BCL10: variants seen among roughly 807,000 people sequenced by gnomAD.
BCL10 encodes BCL10 immune signaling adaptor, also known as B-cell lymphoma/leukemia 10.
Under a neutral mutation model 19.2 loss-of-function variants are expected in BCL10, and 5 were observed. The observed-to-expected ratio is 0.26, with a 90% CI of 0.14 to 0.55. The LOEUF (loss-of-function observed/expected upper bound fraction) is 0.55, where lower values mean the gene tolerates loss of function less well. Ranked by LOEUF, BCL10 falls within the 20% of genes least tolerant of loss-of-function variation. The pLI is 0.94. For synonymous variants in BCL10, 110 were observed against 98.8 expected, an observed-to-expected ratio of 1.11 and a Z score of -0.67; for missense variants, 201 against 271.9, an observed-to-expected ratio of 0.74 and a Z score of 1.83.
At chr1:85,274,919 T>G (rs777488779) in intron 1 of BCL10, among the ~76,000 whole-genome samples, 4 of 152,220 alleles carry the variant, frequency 2.6e-5, no homozygotes, top group Non-Finnish European at 4.4e-5. Flanking sequence ...ATAACATCAA[T>G]GAATTGACAG....
chr1:85,272,870 TA>T (rs1660405077), intron 1 of BCL10, among the ~76,000 whole-genome samples: 1 of 152,194 alleles, frequency 6.6e-6, no homozygotes, highest in Non-Finnish European at 1.5e-5. Flanking sequence ...TACTCAATAA[TA>T]ACTAATTATG....
In BCL10 at chr1:85,265,869, T is replaced by A. The variant is rs945985042; in HGVS notation, c.*1758A>T. Among the ~76,000 whole-genome samples, 3 of 152,216 alleles carry A rather than the reference T, an allele frequency of 2.0e-5. No individual in the cohort carries two copies. Among genetic ancestry groups the A allele is most frequent in the African/African-American group, 7.2e-5 (3 of 41,468 alleles). ...ACTTATCTATATATAGGTGTTATTGTATATCTAAATTATAATCTTTGATTC... is the reference window on the plus strand; with the variant it reads ...ACTTATCTATATATAGGTGTTATTGAATATCTAAATTATAATCTTTGATTC... On this transcript the variant is annotated 3_prime_UTR_variant, in exon 3 of 3. Coordinates refer to ENST00000648566, the MANE Select transcript of BCL10 (RefSeq NM_003921.5).
intron 1 of BCL10, 131 bp from the exon 2 acceptor site, chr1:85,271,037 G>T: frequency 1.2e-6 from 1 of 852,818 alleles, no homozygotes; most frequent in Non-Finnish European, 1.8e-6. Context: ...CTTCTAAAAT[G>T]CATGCTAATT....
chr1:85,269,961 A>G (rs909343090), intron 2 of BCL10, among the ~76,000 whole-genome samples: 1 of 152,274 alleles, frequency 6.6e-6, no homozygotes, highest in South Asian at 2.1e-4. Context: ...ACTGGTGATC[A>G]TAAGAAAAAC....
At chr1:85,276,231 C>A in intron 1 of BCL10, 65 bp downstream of exon 1, 1 of 1,580,574 alleles carries the variant, frequency 6.3e-7, no homozygotes, top group South Asian at 1.1e-5. Flanking sequence ...TCCAGGCTTC[C>A]GCTTTCGTCT....
intron 1 of BCL10, 82 bp downstream of exon 1, chr1:85,276,214 C>T: frequency 1.3e-6 from 2 of 1,540,670 alleles, no homozygotes; most frequent in Admixed American, 3.3e-5. Context: ...CCTCCTTGTC[C>T]TCGGACTCCA....
chr1:85,272,075 G>A (rs58278399), intron 1 of BCL10, among the ~76,000 whole-genome samples: 2 of 152,098 alleles, frequency 1.3e-5, no homozygotes, highest in African/African-American at 4.8e-5. Context: ...GTCAAATACA[G>A]GAAAAGCACA....
intron 1 of BCL10, 130 bp from the exon 2 acceptor site, chr1:85,271,036 T>C: frequency 1.2e-6 from 1 of 855,638 alleles, no homozygotes; most frequent in Non-Finnish European, 1.8e-6. Context: ...CCTTCTAAAA[T>C]GCATGCTAAT....
Position 85,267,303 on chromosome 1 carries a change from T to C in BCL10, c.*324A>G, listed in dbSNP as rs1341716924. On this transcript the variant is annotated 3_prime_UTR_variant, in exon 3 of 3. Transcript: ENST00000648566. Reference sequence around the variant, plus strand: ...CACAAATGCACTGAGGAAAAAACGTTCTTCCTAGTAAGGGTCTATTCTCAA... The same window carrying C: ...CACAAATGCACTGAGGAAAAAACGTCCTTCCTAGTAAGGGTCTATTCTCAA... The C allele has an allele frequency of 1.2e-5, 3 of 251,892 alleles. No individual in the cohort carries two copies. The East Asian group carries it at 1.9e-4, about 16-fold the overall frequency. 15.6% of individuals were successfully genotyped at this position (251,892 alleles called of 1,614,324 possible). A position where few individuals can be genotyped will look rare whatever the true frequency, so the allele number is the denominator to read the frequency against.
At position 85,267,418 on chromosome 1, in the gene BCL10, A is replaced by T; in HGVS notation, c.*209T>A. 1 of 458,512 alleles carries T rather than the reference A, an allele frequency of 2.2e-6. No homozygotes were observed. The highest frequency in any genetic ancestry group is 3.8e-6 in the Non-Finnish European group (1 of 264,100). The allele number at this position is 458,512 out of a possible 1,614,324, so 28.4% of individuals were successfully genotyped here. A position where few individuals can be genotyped will look rare whatever the true frequency, so the allele number is the denominator to read the frequency against. The stretch of plus-strand genomic sequence containing the variant: ...ACCTTAAAAAGGAAAAAAAGAAATT[A>T]CTAAAAAGTACATGATCAACATGAT... On this transcript the variant is annotated 3_prime_UTR_variant, in exon 3 of 3. Coordinates refer to ENST00000648566, the MANE Select transcript of BCL10 (RefSeq NM_003921.5).
chr1:85,269,633 C>T (rs988205552), intron 2 of BCL10, among the ~76,000 whole-genome samples: 1 of 152,234 alleles, frequency 6.6e-6, no homozygotes, highest in Non-Finnish European at 1.5e-5. Context: ...AAGGGCAGAG[C>T]CCTAAATTAT....
Position 85,266,551 on chromosome 1 carries a change from T to C in BCL10, c.*1076A>G, listed in dbSNP as rs1660196554. 5.5e-6 allele frequency: 1 copy of C among 183,484 alleles called. No homozygotes were observed. The highest frequency in any genetic ancestry group is 2.4e-5 in the African/African-American group (1 of 42,536). 11.4% of individuals were successfully genotyped at this position (183,484 alleles called of 1,614,324 possible). The stretch of plus-strand genomic sequence containing the variant: ...TACATTGGTCCTCATTAAAAGAGAA[T>C]GAAAAGTACAGAGAAAATATTTTTT... On this transcript the variant is annotated 3_prime_UTR_variant, in exon 3 of 3. Coordinates refer to ENST00000648566, the MANE Select transcript of BCL10 (RefSeq NM_003921.5).
intron 1 of BCL10, among the ~76,000 whole-genome samples, chr1:85,272,712 G>C (rs11161581): frequency 6.6e-6 from 1 of 152,020 alleles, no homozygotes; most frequent in South Asian, 2.1e-4. Context: ...TCACCCTTGT[G>C]AGAGCTGGGC....
chr1:85,266,719 C>A lies in BCL10; in HGVS notation c.*908G>T, dbSNP rs548887562. The A allele has an allele frequency of 3.3e-5, 6 of 180,390 alleles. No individual in the cohort carries two copies. Among genetic ancestry groups the A allele is most frequent in the Non-Finnish European group, 7.1e-5 (6 of 84,592 alleles). The allele number at this position is 180,390 out of a possible 1,614,324, so 11.2% of individuals were successfully genotyped here. ...AAACACCGTCTCTACAAAAATAATA[C>A]AAAAATTAGTGAGGCATGGTGGCAC... On this transcript the variant is annotated 3_prime_UTR_variant, in exon 3 of 3. Transcript: ENST00000648566.
intron 1 of BCL10, among the ~76,000 whole-genome samples, chr1:85,272,600 T>G (rs888347121): frequency 6.6e-6 from 1 of 152,110 alleles, no homozygotes; most frequent in African/African-American, 2.4e-5. Flanking sequence ...TGTTCTGCCC[T>G]GTCTTAAAGG....
intron 1 of BCL10, among the ~76,000 whole-genome samples, chr1:85,274,004 G>A (rs1428002002): frequency 6.6e-6 from 1 of 152,150 alleles, no homozygotes; most frequent in African/African-American, 2.4e-5. Context: ...AGTCACCAGG[G>A]TCTTGCCTAT....
intron 2 of BCL10, 68 bp downstream of exon 2, chr1:85,270,550 G>A: frequency 1.4e-6 from 2 of 1,439,542 alleles, no homozygotes; most frequent in South Asian, 2.5e-5. Flanking sequence ...CAGGCACCTG[G>A]CCTGCTCTGC....
chr1:85,272,540 C>A (rs1455645452), intron 1 of BCL10, among the ~76,000 whole-genome samples: 2 of 151,692 alleles, frequency 1.3e-5, no homozygotes, highest in Non-Finnish European at 2.9e-5. Context: ...CTGTGCCCAG[C>A]AAATTCTAAT....
chr1:85,266,913 A>G lies in BCL10; in HGVS notation c.*714T>C. The G allele has an allele frequency of 5.5e-6, 1 of 181,778 alleles. No individual in the cohort carries two copies. Among genetic ancestry groups the G allele is most frequent in the Non-Finnish European group, 1.2e-5 (1 of 85,224 alleles). The allele number at this position is 181,778 out of a possible 1,614,324, so 11.3% of individuals were successfully genotyped here. On this transcript the variant is annotated 3_prime_UTR_variant, in exon 3 of 3. Transcript: ENST00000648566. ...AAAAAAAAAAAGAAAAAAGGAAAAA[A>G]TACCTCATCAAATTACATGTAATAA...
Sources: gnomAD v4.1 joint callset for allele counts (sites outside exome capture counted in the v4.1 genomes callset) on GRCh38, gnomAD v4.1.1 for gene constraint, MANE v1.5 for transcripts, NCBI Gene and HGNC (gene_info 2026-07-23, HGNC 2026-07-21) for gene names.